The following IFT25 variants were observed in gnomAD, a reference collection of about 807,000 sequenced individuals.
IFT25 encodes intraflagellar transport 25.
At chr1:53,925,002 C>T in the IFT25 span, among the ~76,000 whole-genome samples, 1 of 152,086 alleles carries the variant, frequency 6.6e-6, no homozygotes, top group African/African-American at 2.4e-5. Context: ...TCTGCTTTAC[C>T]CCTTCTTTCT....
chr1:53,941,385 C>T, the IFT25 span, among the ~76,000 whole-genome samples: 9 of 151,926 alleles, frequency 5.9e-5, no homozygotes, highest in African/African-American at 1.9e-4. Flanking sequence ...CCACTGTGCC[C>T]GGCCAATATC....
At chr1:53,927,514 A>G in the IFT25 span, among the ~76,000 whole-genome samples, 2 of 152,240 alleles carry the variant, frequency 1.3e-5, no homozygotes, top group Non-Finnish European at 2.9e-5. Context: ...TCAACATTCT[A>G]TATTTGCAGT....
At chr1:53,929,209 C>T in the IFT25 span, among the ~76,000 whole-genome samples, 5 of 152,314 alleles carry the variant, frequency 3.3e-5, no homozygotes, top group African/African-American at 9.6e-5. Context: ...AATTTTATCT[C>T]CACTCCCTCC....
At chr1:53,940,233 T>C in the IFT25 span, 1 of 584,244 alleles carries the variant, frequency 1.7e-6, no homozygotes, top group Admixed American at 3.2e-5. Context: ...GGAGGGACTC[T>C]AACATGTTTG....
At chr1:53,935,470 G>A in the IFT25 span, among the ~76,000 whole-genome samples, 50 of 150,684 alleles carry the variant, frequency 3.3e-4, no homozygotes, top group African/African-American at 1.2e-3. Context: ...TTCTTTTTGG[G>A]ATGATGAAAA....
At chr1:53,932,484 T>G in the IFT25 span, among the ~76,000 whole-genome samples, 4 of 152,226 alleles carry the variant, frequency 2.6e-5, no homozygotes, top group African/African-American at 7.2e-5. Context: ...TACACAGTGG[T>G]CAGAGAACAT....
the IFT25 span, among the ~76,000 whole-genome samples, chr1:53,920,105 T>C: frequency 1.3e-5 from 2 of 152,220 alleles, no homozygotes; most frequent in Non-Finnish European, 2.9e-5. Context: ...GGACTAATGA[T>C]GATTCTCTAA....
chr1:53,925,389 G>A, the IFT25 span, among the ~76,000 whole-genome samples: 1 of 151,954 alleles, frequency 6.6e-6, no homozygotes, highest in African/African-American at 2.4e-5. Flanking sequence ...GGCTGGGCAT[G>A]GTGGCTCACA....
the IFT25 span, among the ~76,000 whole-genome samples, chr1:53,921,927 A>G: frequency 2.6e-5 from 4 of 152,234 alleles, no homozygotes; most frequent in African/African-American, 9.6e-5. Context: ...TATCAGCTAA[A>G]TACCAGCCTT....
chr1:53,921,906 G>T, the IFT25 span: 1 of 600,506 alleles, frequency 1.7e-6, no homozygotes, highest in South Asian at 2.1e-5. Flanking sequence ...ACATATAATA[G>T]TTGTGGTACA....
At chr1:53,920,559 A>G in the IFT25 span, among the ~76,000 whole-genome samples, 1 of 152,190 alleles carries the variant, frequency 6.6e-6, no homozygotes, top group Non-Finnish European at 1.5e-5. Context: ...TCTTGGTTCC[A>G]ATTAATGGGA....
the IFT25 span, among the ~76,000 whole-genome samples, chr1:53,919,139 C>CCAT: frequency 3.5e-4 from 53 of 151,968 alleles, no homozygotes; most frequent in Non-Finnish European, 5.3e-4. Flanking sequence ...GTGCTTGGCC[C>CCAT]TTTTTTTCAG....
At chr1:53,928,287 C>A in the IFT25 span, 1 of 1,092,178 alleles carries the variant, frequency 9.2e-7, no homozygotes, top group Admixed American at 2.0e-5. Flanking sequence ...CTTTTTTCAC[C>A]AAAGTGCAGC....
the IFT25 span, among the ~76,000 whole-genome samples, chr1:53,937,263 C>T: frequency 6.6e-6 from 1 of 152,006 alleles, no homozygotes; most frequent in African/African-American, 2.4e-5. Flanking sequence ...ACTATAGGTG[C>T]ACGCCACCAC....
the IFT25 span, among the ~76,000 whole-genome samples, chr1:53,914,348 G>GATAAA: frequency 6.6e-6 from 1 of 152,266 alleles, no homozygotes; most frequent in South Asian, 2.1e-4. Flanking sequence ...CTTCCTTGAA[G>GATAAA]ATAAAATGTT....
chr1:53,930,783 C>T, the IFT25 span, among the ~76,000 whole-genome samples: 6 of 152,166 alleles, frequency 3.9e-5, no homozygotes, highest in East Asian at 1.2e-3. Context: ...TGTAACCCTA[C>T]AACTGCTACA....
the IFT25 span, among the ~76,000 whole-genome samples, chr1:53,940,600 A>G: frequency 6.6e-6 from 1 of 152,252 alleles, no homozygotes; most frequent in Admixed American, 6.5e-5. Context: ...TACATTCTAA[A>G]TATAAAGATA....
At chr1:53,941,566 A>C in the IFT25 span, among the ~76,000 whole-genome samples, 1 of 152,224 alleles carries the variant, frequency 6.6e-6, no homozygotes, top group Admixed American at 6.5e-5. Context: ...CAATCTTACC[A>C]CAGTTTTCGA....
the IFT25 span, among the ~76,000 whole-genome samples, chr1:53,944,595 G>A: frequency 6.6e-6 from 1 of 152,178 alleles, no homozygotes; most frequent in African/African-American, 2.4e-5. Context: ...AGTGAGGCGA[G>A]ACCGCGCCAC....
Sources: gnomAD v4.1 joint callset for allele counts (sites outside exome capture counted in the v4.1 genomes callset) on GRCh38, gnomAD v4.1.1 for gene constraint, MANE v1.5 for transcripts, NCBI Gene and HGNC (gene_info 2026-07-23, HGNC 2026-07-21) for gene names.